The following ELOC variants were observed in gnomAD, a reference collection of about 807,000 sequenced individuals.
ELOC encodes elongin C, also known as elongin-C.
For synonymous variants in ELOC, 40 were observed against 51.3 expected, an observed-to-expected ratio of 0.78 and a Z score of 0.94; for missense variants, 38 against 139.0, an observed-to-expected ratio of 0.27 and a Z score of 3.65.
chr8:73,951,649 CAA>C, intron 3 of ELOC, among the ~76,000 whole-genome samples: 1 of 87,704 alleles, frequency 1.1e-5, no homozygotes, highest in Non-Finnish European at 2.2e-5. Context: ...AAAAACCCCA[CAA>C]CAACAACAAC....
At chr8:73,949,959 G>A (rs1272593781) in intron 3 of ELOC, among the ~76,000 whole-genome samples, 1 of 152,060 alleles carries the variant, frequency 6.6e-6, no homozygotes, top group Non-Finnish European at 1.5e-5. Context: ...AAGCCCAAAA[G>A]CAATTCATCA....
chr8:73,971,550 A>C (rs149731737), intron 1 of ELOC, among the ~76,000 whole-genome samples: 50 of 152,180 alleles, frequency 3.3e-4, no homozygotes, highest in African/African-American at 1.1e-3. Context: ...AGTATTTCAC[A>C]CTAGATACCT....
At chr8:73,963,641 T>C (rs1814758192) in intron 1 of ELOC, among the ~76,000 whole-genome samples, 1 of 152,238 alleles carries the variant, frequency 6.6e-6, no homozygotes, top group South Asian at 2.1e-4. Flanking sequence ...TTTTTGTCTT[T>C]TTACATTGGC....
At chr8:73,948,024 C>G (rs960762204) in intron 3 of ELOC, among the ~76,000 whole-genome samples, 2 of 152,116 alleles carry the variant, frequency 1.3e-5, no homozygotes, top group African/African-American at 4.8e-5. Context: ...GAAACCCCAT[C>G]TGTACTAAAA....
chr8:73,953,061 T>G (rs965889114), intron 3 of ELOC, among the ~76,000 whole-genome samples: 6 of 152,306 alleles, frequency 3.9e-5, no homozygotes, highest in Middle Eastern at 3.4e-3. Flanking sequence ...TCCCAGCACT[T>G]TGCGAGGCCG....
intron 1 of ELOC, among the ~76,000 whole-genome samples, chr8:73,965,011 G>C (rs1267919709): frequency 8.7e-6 from 1 of 114,736 alleles, no homozygotes; most frequent in Non-Finnish European, 1.7e-5. Flanking sequence ...CTGAGCAAGA[G>C]TAAGACACTG....
chr8:73,947,590 T>TTGACATAGAGTC (rs1235990245), intron 3 of ELOC, among the ~76,000 whole-genome samples: 1 of 152,134 alleles, frequency 6.6e-6, no homozygotes, highest in Non-Finnish European at 1.5e-5. Context: ...TTTCTTTTTT[T>TTGACATAGAGTC]TGACATAGAG....
intron 3 of ELOC, among the ~76,000 whole-genome samples, chr8:73,951,027 T>C (rs1813720920): frequency 6.6e-6 from 1 of 152,114 alleles, no homozygotes; most frequent in African/African-American, 2.4e-5. Flanking sequence ...TCCCAACACT[T>C]TGGGAGGCCG....
chr8:73,964,856 G>A (rs377412173), intron 1 of ELOC, among the ~76,000 whole-genome samples: 87 of 151,906 alleles, frequency 5.7e-4, no homozygotes, highest in South Asian at 4.2e-3. Context: ...GTGAAACCCC[G>A]TTTCTATAAA....
chr8:73,961,888 T>C lies in ELOC; in HGVS notation c.-50-2070A>G, dbSNP rs369096740. Among the ~76,000 whole-genome samples, 39 of 152,058 alleles carry C rather than the reference T, an allele frequency of 2.6e-4. No individual in the cohort carries two copies. The South Asian group carries it at 4.8e-3, about 19-fold the overall frequency. On this transcript the variant is annotated intron_variant, in intron 1 of 3. Coordinates refer to ENST00000520242, the MANE Select transcript of ELOC (RefSeq NM_005648.4). ...TAAACACTGTACTAAATGCCTTACATACATTATCTTGTTTATTTATTTTTT... is the reference window on the plus strand; with the variant it reads ...TAAACACTGTACTAAATGCCTTACACACATTATCTTGTTTATTTATTTTTT...
At chr8:73,954,093 CAT>C (rs1025330068) in intron 3 of ELOC, among the ~76,000 whole-genome samples, 111 of 152,074 alleles carry the variant, frequency 7.3e-4, no homozygotes, top group African/African-American at 2.5e-3. Flanking sequence ...TACAAAAGGC[CAT>C]ATACTGTATG....
chr8:73,955,087 C>G (rs1157993885), intron 3 of ELOC, among the ~76,000 whole-genome samples: 2 of 141,336 alleles, frequency 1.4e-5, no homozygotes, highest in Non-Finnish European at 3.1e-5. Context: ...TGTAGGAAAA[C>G]CAATTCAGTC....
chr8:73,964,320 G>A (rs946779662), intron 1 of ELOC, among the ~76,000 whole-genome samples: 7 of 150,480 alleles, frequency 4.7e-5, no homozygotes, highest in Non-Finnish European at 1.0e-4. Flanking sequence ...AGGTCAAAGC[G>A]TATGGTGAGA....
At chr8:73,953,029 G>A (rs1813878517) in intron 3 of ELOC, among the ~76,000 whole-genome samples, 1 of 152,140 alleles carries the variant, frequency 6.6e-6, no homozygotes, top group South Asian at 2.1e-4. Context: ...GATAGGCTGG[G>A]TGTGCTGGCT....
At chr8:73,947,454 G>T (rs1352249545) in intron 3 of ELOC, among the ~76,000 whole-genome samples, 1 of 152,206 alleles carries the variant, frequency 6.6e-6, no homozygotes, top group African/African-American at 2.4e-5. Flanking sequence ...AAGTTCTGTT[G>T]TTCAAGCCAT....
chr8:73,946,514 G>A lies in ELOC; in HGVS notation c.*116C>T, dbSNP rs1364519215. The A allele has an allele frequency of 1.4e-6, 1 of 726,304 alleles. No individual in the cohort carries two copies. 45.0% of individuals were successfully genotyped at this position (726,304 alleles called of 1,614,324 possible). On this transcript the variant is annotated 3_prime_UTR_variant, in exon 4 of 4. Coordinates refer to ENST00000520242, the MANE Select transcript of ELOC (RefSeq NM_005648.4). ...AAAACAAGATAATCTGCTTTGCAAT[G>A]AACTTTATATAGTTCAACTGCATAC...
intron 3 of ELOC, among the ~76,000 whole-genome samples, chr8:73,951,159 C>G (rs574169042): frequency 1.1e-4 from 16 of 152,286 alleles, no homozygotes; most frequent in Admixed American, 2.6e-4. Flanking sequence ...GTAATACCAG[C>G]TACTCAGGAA....
intron 3 of ELOC, among the ~76,000 whole-genome samples, chr8:73,948,825 C>T (rs1813557886): frequency 6.9e-6 from 1 of 145,868 alleles, no homozygotes; most frequent in Non-Finnish European, 1.5e-5. Flanking sequence ...AGACAGAGAC[C>T]CTGTCACTCA....
intron 1 of ELOC, among the ~76,000 whole-genome samples, chr8:73,960,796 C>T (rs1300697624): frequency 6.6e-6 from 1 of 152,138 alleles, no homozygotes; most frequent in African/African-American, 2.4e-5. Context: ...TAACCAAGGA[C>T]ATGAAGTAAC....
Sources: gnomAD v4.1 joint callset for allele counts (sites outside exome capture counted in the v4.1 genomes callset) on GRCh38, gnomAD v4.1.1 for gene constraint, MANE v1.5 for transcripts, NCBI Gene and HGNC (gene_info 2026-07-23, HGNC 2026-07-21) for gene names.